The following CSF3R variants were observed in gnomAD, a reference collection of about 807,000 sequenced individuals.
CSF3R encodes granulocyte colony-stimulating factor receptor.
A neutral mutation model predicts 84.4 loss-of-function variants in CSF3R; 52 were observed. The observed-to-expected ratio is 0.62, with a 90% CI of 0.49 to 0.78. The LOEUF (loss-of-function observed/expected upper bound fraction) is 0.78. Ranked by LOEUF, CSF3R falls within the 30% of genes least tolerant of loss-of-function variation. The probability of loss-of-function intolerance (pLI) is 0.00; values close to 1 mark genes in which losing one functional copy is unlikely to be tolerated. For synonymous variants in CSF3R, 384 were observed against 429.1 expected (o/e 0.89, Z 1.30); for missense variants, 890 against 1,055.7 (o/e 0.84, Z 2.17).
chr1:36,466,479 A>G lies in CSF3R; in HGVS notation c.2389T>C (p.Leu797=), dbSNP rs1557585422. ...GGGGCTGGGGTTACCAGGGTCCCCAAGGGGCTGGCCTGGAACCAGAGGTTC... is the reference window on the plus strand; with the variant it reads ...GGGGCTGGGGTTACCAGGGTCCCCAGGGGGCTGGCCTGGAACCAGAGGTTC... ...YENLWFQASP[L]GTLVTPAPSQ... is the part of the protein sequence containing the mutation. The change falls in exon 17 of 17, where the codon TTG becomes CTG. Residue 797 remains leucine (L), a synonymous_variant. Transcript: ENST00000373106. This position sits in a 1 kb window ranked among gnomAD's most constrained non-coding sequence, Gnocchi z 4.6. 5.6e-6 allele frequency: 9 copies of G among 1,611,744 alleles called. No homozygotes were observed. Among genetic ancestry groups the G allele is most frequent in the Non-Finnish European group, 6.8e-6 (8 of 1,178,978 alleles).
At position 36,468,928 on chromosome 1, in the gene CSF3R, G is replaced by C. The variant is rs964942364; in HGVS notation, c.1576+228C>G. On this transcript the variant is annotated intron_variant, in intron 12 of 16. Transcript: ENST00000373106. Reference sequence around the variant, plus strand: ...TGGGAAATGGTTTGATTTTTGCCAGGTTTGCTCCTTGAATTGTGCCAACTC... The same window carrying C: ...TGGGAAATGGTTTGATTTTTGCCAGCTTTGCTCCTTGAATTGTGCCAACTC... 1.6e-5 allele frequency: 9 copies of C among 547,656 alleles called. No individual in the cohort carries two copies. In the African/African-American group the frequency reaches 1.7e-4, roughly 10 times the overall value. The allele number at this position is 547,656 out of a possible 1,614,324, so 33.9% of individuals were successfully genotyped here.
At position 36,475,438 on chromosome 1, in the gene CSF3R, GGAGA is replaced by G; in HGVS notation, c.296_299del (p.Leu99ProfsTer4). 1 of 1,614,212 alleles carries G rather than the reference GGAGA, an allele frequency of 6.2e-7. No homozygotes were observed. Among genetic ancestry groups the G allele is most frequent in the Non-Finnish European group, 8.5e-7 (1 of 1,180,042 alleles). ...GGCTGTTGCCCCAGTTCAGGCAGCA[GGAGA>G]GAAAGGCCTGAGTGTGGTTGAGGTG... On this transcript the variant is annotated frameshift_variant, in exon 4 of 17. Coordinates refer to ENST00000373106, the MANE Select transcript of CSF3R (RefSeq NM_000760.4). LOFTEE classifies it high-confidence loss of function.
In CSF3R at chr1:36,467,004, G is replaced by A. The variant is rs1650367558; in HGVS notation, c.2041-177C>T. On this transcript the variant is annotated intron_variant, in intron 16 of 16. Transcript: ENST00000373106. This position sits in a 1 kb window ranked among gnomAD's most constrained non-coding sequence, Gnocchi z 4.1. ...CTCACACATGCCTGACACATGCCATGCACCGTTCAGACTCAGCATGGTCAG... is the reference window on the plus strand; with the variant it reads ...CTCACACATGCCTGACACATGCCATACACCGTTCAGACTCAGCATGGTCAG... The A allele has an allele frequency of 2.0e-6, 3 of 1,480,820 alleles. No individual in the cohort carries two copies. Among genetic ancestry groups the A allele is most frequent in the Non-Finnish European group, 2.8e-6 (3 of 1,079,500 alleles). 91.7% of individuals were successfully genotyped at this position (1,480,820 alleles called of 1,614,324 possible).
At chr1:36,479,353 G>A in intron 3 of CSF3R, 80 bp downstream of exon 3, 1 of 1,344,460 alleles carries the variant, frequency 7.4e-7, no homozygotes, top group Non-Finnish European at 1.1e-6. Context: ...CAGGAGCCAT[G>A]TGGCAGTGCA....
chr1:36,482,792 C>G lies in CSF3R; in HGVS notation c.-81+19G>C, dbSNP rs1651615383. Reference sequence around the variant, plus strand: ...ATCAAGCCCAAGGCTCAGCCCCTCTCTAGGGATCCCCTACTCACGTTGGCA... The same window carrying G: ...ATCAAGCCCAAGGCTCAGCCCCTCTGTAGGGATCCCCTACTCACGTTGGCA... On this transcript the variant is annotated intron_variant, in intron 1 of 16. Transcript: ENST00000373106. 1.3e-5 allele frequency: 2 copies of G among 152,396 alleles called. No individual in the cohort carries two copies. Among genetic ancestry groups the G allele is most frequent in the Admixed American group, 6.5e-5 (1 of 15,280 alleles). The allele number at this position is 152,396 out of a possible 1,614,324, so 9.4% of individuals were successfully genotyped here. A position where few individuals can be genotyped will look rare whatever the true frequency, so the allele number is the denominator to read the frequency against.
In CSF3R at chr1:36,467,541, C is replaced by G; in HGVS notation, c.1958+17G>C. ...GGGTGGGGGAAGCAGGATCTCAGGT[C>G]TCTCAAAGGGACTCACTTGGGGCTG... On this transcript the variant is annotated intron_variant, in intron 15 of 16. Transcript: ENST00000373106. This position sits in a 1 kb window ranked among gnomAD's most constrained non-coding sequence, Gnocchi z 4.1. The G allele has an allele frequency of 1.2e-6, 2 of 1,612,008 alleles. No individual in the cohort carries two copies. The highest frequency in any genetic ancestry group is 1.7e-6 in the Non-Finnish European group (2 of 1,178,314).
chr1:36,475,287 G>T, intron 4 of CSF3R, 90 bp downstream of exon 4: 4 of 1,520,284 alleles, frequency 2.6e-6, no homozygotes, highest in Non-Finnish European at 3.6e-6. Flanking sequence ...GAATACAGGC[G>T]TGAGCCAACG....
Position 36,469,147 on chromosome 1 carries a change from T to A in CSF3R, c.1576+9A>T. On this transcript the variant is annotated intron_variant, in intron 12 of 16. Coordinates refer to ENST00000373106, the MANE Select transcript of CSF3R (RefSeq NM_000760.4). The stretch of plus-strand genomic sequence containing the variant: ...AGGATTCTGGAAAGGGGCCTGATAG[T>A]TGACAAACCCATTTCTTGAGAGTAG... 1 of 1,605,010 alleles carries A rather than the reference T, an allele frequency of 6.2e-7. No individual in the cohort carries two copies. The highest frequency in any genetic ancestry group is 8.5e-7 in the Non-Finnish European group (1 of 1,171,904).
At chr1:36,478,437 G>A (rs1570600586) in intron 3 of CSF3R, among the ~76,000 whole-genome samples, 1 of 152,060 alleles carries the variant, frequency 6.6e-6, no homozygotes, top group Non-Finnish European at 1.5e-5. Flanking sequence ...GCTGAGGCAG[G>A]AGAATCGCTT....
chr1:36,466,961 C>A lies in CSF3R; in HGVS notation c.2041-134G>T, dbSNP rs1252746662. The A allele has an allele frequency of 1.2e-6, 2 of 1,600,446 alleles. No individual in the cohort carries two copies. Among genetic ancestry groups the A allele is most frequent in the Admixed American group, 3.4e-5 (2 of 59,320 alleles). On this transcript the variant is annotated intron_variant, in intron 16 of 16. Coordinates refer to ENST00000373106, the MANE Select transcript of CSF3R (RefSeq NM_000760.4). This position sits in a 1 kb window ranked among gnomAD's most constrained non-coding sequence, Gnocchi z 4.6. ...GGTGGAACACAAAGGGTACCACTTG[C>A]AAAGCACTAGTATGTTCCTCACACA...
chr1:36,466,287 G>T lies in CSF3R; in HGVS notation c.*70C>A. The T allele has an allele frequency of 1.2e-6, 2 of 1,611,718 alleles. No individual in the cohort carries two copies. The highest frequency in any genetic ancestry group is 1.7e-6 in the Non-Finnish European group (2 of 1,179,328). ...GGTAGTTTTTAGTCATGGGCTTATG[G>T]ACCCTCCCCTCTTCTCCAGCTAGCT... is the stretch of plus-strand genomic sequence containing the variant. On this transcript the variant is annotated 3_prime_UTR_variant, in exon 17 of 17. Coordinates refer to ENST00000373106, the MANE Select transcript of CSF3R (RefSeq NM_000760.4). This position sits in a 1 kb window ranked among gnomAD's most constrained non-coding sequence, Gnocchi z 4.6.
At chr1:36,481,106 ATTTTGGGACACTGG>A (rs1570604677) in intron 2 of CSF3R, among the ~76,000 whole-genome samples, 3 of 152,108 alleles carry the variant, frequency 2.0e-5, no homozygotes, top group African/African-American at 7.2e-5. Flanking sequence ...CAAGGCCCAG[ATTTTGGGACACTGG>A]TTTTCATCTC....
At position 36,472,981 on chromosome 1, in the gene CSF3R, C is replaced by A. The variant is rs958660227; in HGVS notation, c.674-295G>T. On this transcript the variant is annotated intron_variant, in intron 6 of 16. Transcript: ENST00000373106. This position sits in a 1 kb window ranked among gnomAD's most constrained non-coding sequence, Gnocchi z 5.0. Reference sequence around the variant, plus strand: ...CTCAATTGTCACCCTCTTAGTGAGGCCTTTCTTGACCAGCATATTAAAATA... The same window carrying A: ...CTCAATTGTCACCCTCTTAGTGAGGACTTTCTTGACCAGCATATTAAAATA... 1.8e-4 allele frequency: 81 copies of A among 454,026 alleles called. No individual in the cohort carries two copies. Among genetic ancestry groups the A allele is most frequent in the Non-Finnish European group, 2.9e-4 (75 of 255,762 alleles). 28.1% of individuals were successfully genotyped at this position (454,026 alleles called of 1,614,324 possible).
At chr1:36,470,120 A>G (rs149659279) in intron 10 of CSF3R, among the ~76,000 whole-genome samples, 4 of 152,274 alleles carry the variant, frequency 2.6e-5, no homozygotes, top group East Asian at 1.9e-4. Context: ...CTAACACTCT[A>G]TTGTTCTTGG....
intron 3 of CSF3R, among the ~76,000 whole-genome samples, chr1:36,478,099 T>C (rs1433434861): frequency 6.6e-6 from 1 of 152,210 alleles, no homozygotes; most frequent in Non-Finnish European, 1.5e-5. Context: ...TACAAGGTTG[T>C]TTGCTTCAAA....
Position 36,472,164 on chromosome 1 carries a change from G to A in CSF3R, c.998-25C>T, listed in dbSNP as rs748365247. ...GCTGTGGATGGAACAAGAAGAGGGG[G>A]TGCCAGTTGGGGAGGGGCCTGGGGC... is the stretch of plus-strand genomic sequence containing the variant. On this transcript the variant is annotated intron_variant, in intron 8 of 16. Transcript: ENST00000373106. This position sits in a 1 kb window ranked among gnomAD's most constrained non-coding sequence, Gnocchi z 5.0. 4 of 1,613,850 alleles carry A rather than the reference G, an allele frequency of 2.5e-6. No individual in the cohort carries two copies. The highest frequency in any genetic ancestry group is 3.3e-5 in the Admixed American group (2 of 60,008).
chr1:36,470,869 A>G (rs1038616126), intron 10 of CSF3R, among the ~76,000 whole-genome samples: 1 of 152,160 alleles, frequency 6.6e-6, no homozygotes, highest in Admixed American at 6.5e-5. Context: ...TAACAACAGC[A>G]GACACATGCA....
In CSF3R at chr1:36,466,054, G is replaced by A; in HGVS notation, c.*303C>T. 5 of 1,613,748 alleles carry A rather than the reference G, an allele frequency of 3.1e-6. No individual in the cohort carries two copies. In the South Asian group the frequency reaches 3.3e-5, roughly 11 times the overall value. ...AACAGAGACTCAGGTACACCCAAGA[G>A]TGTCTATAAACAACAACAAAAACTG... On this transcript the variant is annotated 3_prime_UTR_variant, in exon 17 of 17. Coordinates refer to ENST00000373106, the MANE Select transcript of CSF3R (RefSeq NM_000760.4). The surrounding 1 kb of genome is among the most constrained non-coding windows in gnomAD (Gnocchi z 4.6).
At position 36,472,930 on chromosome 1, in the gene CSF3R, G is replaced by C. The variant is rs541122360; in HGVS notation, c.674-244C>G. ...TTTCCCTCCAGATATCCAGCGGCTT[G>C]CTCCCTCATTTCCTTCAAGGATCTG... On this transcript the variant is annotated intron_variant, in intron 6 of 16. Transcript: ENST00000373106. This position sits in a 1 kb window ranked among gnomAD's most constrained non-coding sequence, Gnocchi z 5.0. 2 of 532,670 alleles carry C rather than the reference G, an allele frequency of 3.8e-6. No individual in the cohort carries two copies. The highest frequency in any genetic ancestry group is 3.8e-5 in the Admixed American group (1 of 26,548). 33.0% of individuals were successfully genotyped at this position (532,670 alleles called of 1,614,324 possible).
Sources: gnomAD v4.1 joint callset for allele counts (sites outside exome capture counted in the v4.1 genomes callset) on GRCh38, gnomAD v4.1.1 for gene constraint, Gnocchi (gnomAD v3.1) non-coding constraint, MANE v1.5 for transcripts, NCBI Gene and HGNC (gene_info 2026-07-23, HGNC 2026-07-21) for gene names.